CNKSR3: variants seen among roughly 807,000 people sequenced by gnomAD.
The protein encoded by CNKSR3 is connector enhancer of kinase suppressor of ras 3.
In CNKSR3, 36 loss-of-function variants were observed where a neutral mutation model predicts 67.7. The observed-to-expected ratio is 0.53, with a 90% confidence interval of 0.41 to 0.70. The LOEUF (loss-of-function observed/expected upper bound fraction) is 0.70. CNKSR3 is among the 30% of genes least tolerant of loss of function. The pLI, the probability that CNKSR3 is intolerant of heterozygous loss-of-function variation, is 0.00. For missense variants in CNKSR3, 630 were observed against 695.2 expected (o/e 0.91, Z 1.05); for synonymous variants, 281 against 271.4 (o/e 1.04, Z -0.35).
chr6:154,425,249 A>G (rs1785233083), intron 7 of CNKSR3, among the ~76,000 whole-genome samples: 1 of 152,202 alleles, frequency 6.6e-6, no homozygotes, highest in African/African-American at 2.4e-5. Flanking sequence ...TCACTTTACA[A>G]AAGATAGCCC....
At chr6:154,422,746 G>T in intron 8 of CNKSR3, 94 bp from the exon 9 acceptor site, 1 of 1,405,780 alleles carries the variant, frequency 7.1e-7, no homozygotes, top group Non-Finnish European at 1.0e-6. Context: ...AGGGTTGTGA[G>T]CAGATACATA....
chr6:154,510,302 C>T lies in CNKSR3; in HGVS notation c.-188G>A. Reference sequence around the variant, plus strand: ...GGCTCCGCCAGGGGAGCCCGGCCCTCTCCCTCCAGCTGCCACAGTCCAGCT... The same window carrying T: ...GGCTCCGCCAGGGGAGCCCGGCCCTTTCCCTCCAGCTGCCACAGTCCAGCT... On this transcript the variant is annotated 5_prime_UTR_variant, in exon 1 of 13. Coordinates refer to ENST00000607772, the MANE Select transcript of CNKSR3 (RefSeq NM_173515.4). 1 of 605,892 alleles carries T rather than the reference C, an allele frequency of 1.7e-6. No individual in the cohort carries two copies. Among genetic ancestry groups the T allele is most frequent in the South Asian group, 1.9e-5 (1 of 51,844 alleles). The allele number at this position is 605,892 out of a possible 1,614,324, so 37.5% of individuals were successfully genotyped here. A position where few individuals can be genotyped will look rare whatever the true frequency, so the allele number is the denominator to read the frequency against.
At chr6:154,444,816 A>T (rs1785674555) in intron 2 of CNKSR3, among the ~76,000 whole-genome samples, 1 of 152,046 alleles carries the variant, frequency 6.6e-6, no homozygotes, top group South Asian at 2.1e-4. Context: ...CATGTTGGCC[A>T]GGGTGGTCTC....
chr6:154,491,798 C>T (rs1241561056), intron 1 of CNKSR3, among the ~76,000 whole-genome samples: 2 of 152,224 alleles, frequency 1.3e-5, no homozygotes, highest in African/African-American at 4.8e-5. Context: ...GCATAATCTA[C>T]AGTGTCCTGT....
intron 4 of CNKSR3, among the ~76,000 whole-genome samples, chr6:154,437,732 A>G (rs141118485): frequency 2.2e-3 from 318 of 145,128 alleles, no homozygotes; most frequent in African/African-American, 7.7e-3. Flanking sequence ...TTCAATTACT[A>G]CAGAACATGC....
intron 1 of CNKSR3, among the ~76,000 whole-genome samples, chr6:154,469,674 A>G (rs1262304313): frequency 1.3e-5 from 2 of 152,218 alleles, no homozygotes; most frequent in Non-Finnish European, 2.9e-5. Flanking sequence ...TTTCTCTTTT[A>G]AAGTGTACAA....
intron 7 of CNKSR3, among the ~76,000 whole-genome samples, chr6:154,424,076 CAAAAAATTAGCCA>C (rs1449718972): frequency 4.6e-5 from 7 of 151,762 alleles, no homozygotes; most frequent in Non-Finnish European, 1.0e-4. Flanking sequence ...ACTAAAAATA[CAAAAAATTAGCCA>C]GGCATGGTGG....
At chr6:154,462,107 G>A (rs1035222997) in intron 1 of CNKSR3, among the ~76,000 whole-genome samples, 1 of 152,078 alleles carries the variant, frequency 6.6e-6, no homozygotes, top group African/African-American at 2.4e-5. Flanking sequence ...CATACAATTC[G>A]CCTATTTAAA....
chr6:154,450,681 G>A (rs1479843493), intron 1 of CNKSR3, among the ~76,000 whole-genome samples: 1 of 152,174 alleles, frequency 6.6e-6, no homozygotes, highest in African/African-American at 2.4e-5. Flanking sequence ...ACATGGCCAG[G>A]TCTCCCGTAG....
intron 1 of CNKSR3, among the ~76,000 whole-genome samples, chr6:154,481,655 T>C (rs1786569691): frequency 6.6e-6 from 1 of 152,208 alleles, no homozygotes; most frequent in African/African-American, 2.4e-5. Flanking sequence ...ATTTTATGCA[T>C]GTCTGTGTTT....
At chr6:154,415,236 T>TTTTTTTTTTTTTTTTTTTTC (rs1347169257) in intron 9 of CNKSR3, among the ~76,000 whole-genome samples, 1 of 139,354 alleles carries the variant, frequency 7.2e-6, no homozygotes, top group African/African-American at 2.7e-5. Context: ...CCATTTTTTT[T>TTTTTTTTTTTTTTTTTTTTC]TTTTTTTTTT....
At chr6:154,508,458 G>T (rs1481735947) in intron 1 of CNKSR3, among the ~76,000 whole-genome samples, 1 of 152,178 alleles carries the variant, frequency 6.6e-6, no homozygotes, top group Non-Finnish European at 1.5e-5. Context: ...GGCTCTAGAA[G>T]TCAACAGTAG....
intron 10 of CNKSR3, 138 bp from the exon 11 acceptor site, chr6:154,411,280 TG>T: frequency 1.6e-6 from 1 of 642,490 alleles, no homozygotes; most frequent in East Asian, 2.8e-5. Flanking sequence ...GCATTCCTTT[TG>T]TCAACCCCAG....
chr6:154,447,053 C>T (rs918851464), intron 2 of CNKSR3, among the ~76,000 whole-genome samples: 3 of 152,098 alleles, frequency 2.0e-5, no homozygotes, highest in African/African-American at 7.2e-5. Context: ...ATCCGCCTGC[C>T]TCGGCCTCCC....
At chr6:154,479,213 C>CAG (rs1049058376) in intron 1 of CNKSR3, among the ~76,000 whole-genome samples, 2 of 113,080 alleles carry the variant, frequency 1.8e-5, no homozygotes, top group African/African-American at 6.2e-5. Context: ...GAGATGGATT[C>CAG]AGAGAAAAAA....
At chr6:154,454,134 G>C (rs192556456) in intron 1 of CNKSR3, among the ~76,000 whole-genome samples, 96,941 of 142,918 alleles carry the variant, frequency 0.68, 33,511 homozygotes, top group East Asian at 0.86. Context: ...GAGAGAGAGA[G>C]AGAGAGAGAG....
intron 11 of CNKSR3, 149 bp from the exon 12 acceptor site, chr6:154,410,581 A>C: frequency 1.6e-6 from 1 of 617,870 alleles, no homozygotes; most frequent in Non-Finnish European, 2.9e-6. Flanking sequence ...ATTTTAAAGC[A>C]CTGTATTTCC....
At chr6:154,454,064 T>A (rs1785894801) in intron 1 of CNKSR3, among the ~76,000 whole-genome samples, 1 of 124,222 alleles carries the variant, frequency 8.1e-6, no homozygotes, top group African/African-American at 3.3e-5. Context: ...TTCAAGGAAA[T>A]CCCAAATGCA....
chr6:154,416,776 T>C (rs745742333), intron 9 of CNKSR3, among the ~76,000 whole-genome samples: 1 of 152,164 alleles, frequency 6.6e-6, no homozygotes, highest in African/African-American at 2.4e-5. Context: ...CCAGAGTTTA[T>C]ATTCTGAAAA....
Sources: allele counts gnomAD v4.1 joint callset (sites outside exome capture counted in the v4.1 genomes callset), GRCh38; gene constraint gnomAD v4.1.1; transcripts MANE v1.5; gene names NCBI Gene and HGNC (gene_info 2026-07-23, HGNC 2026-07-21).